The following EML1 variants were observed in gnomAD, a reference collection of about 807,000 sequenced individuals.
EML1 encodes the protein echinoderm microtubule-associated protein-like 1.
A neutral mutation model predicts 110.4 loss-of-function variants in EML1; 27 were observed. That is an observed-to-expected ratio of 0.24 (90% confidence interval 0.18 to 0.34). The LOEUF (loss-of-function observed/expected upper bound fraction) is 0.34. EML1 is among the 10% of genes least tolerant of loss of function. The pLI is 1.00. For synonymous variants in EML1, 344 were observed against 385.8 expected (o/e 0.89, Z 1.27); for missense variants, 741 against 1,030.9 (o/e 0.72, Z 3.85).
At position 99,767,055 on chromosome 14, in the gene EML1, G is replaced by T. The variant is rs573883886; in HGVS notation, c.28+29195G>T. Among the ~76,000 whole-genome samples the T allele has an allele frequency of 2.6e-5, 4 of 152,222 alleles. No homozygotes were observed. In the South Asian group the frequency reaches 8.3e-4, roughly 32 times the overall value. On this transcript the variant is annotated intron_variant, in intron 1 of 10. Coordinates refer to the EML1 transcript ENST00000554479. ...CCCCACCGCATAATATTTTTCCATCGCCATGGTGACTGTGTGAGAAGAAGG... is the reference window on the plus strand; with the variant it reads ...CCCCACCGCATAATATTTTTCCATCTCCATGGTGACTGTGTGAGAAGAAGG...
chr14:99,842,000 A>T (rs563622899), intron 1 of EML1, among the ~76,000 whole-genome samples: 1 of 147,024 alleles, frequency 6.8e-6, no homozygotes, highest in Non-Finnish European at 1.5e-5. Context: ...TCCCTCTAAC[A>T]CTGTAAAGTG....
intron 1 of EML1, among the ~76,000 whole-genome samples, chr14:99,750,115 C>T (rs1380587934): frequency 2.0e-5 from 3 of 152,294 alleles, no homozygotes; most frequent in East Asian, 1.9e-4. Context: ...TGGAGCCAGG[C>T]GGGAGGTAAG....
rs145005091 is a variant in EML1 at position 99,924,274 on chromosome 14, G to A, written c.1909+3397G>A. On this transcript the variant is annotated intron_variant, in intron 17 of 21. Coordinates refer to ENST00000262233, the MANE Select transcript of EML1 (RefSeq NM_004434.3). Reference sequence around the variant, plus strand: ...GTAAAAATAGGATTGAATTTTGCACGTAGATCTTATATCCTATGACCTTTC... The same window carrying A: ...GTAAAAATAGGATTGAATTTTGCACATAGATCTTATATCCTATGACCTTTC... 1.2e-3 allele frequency among the ~76,000 whole-genome samples: 190 copies of A among 152,218 alleles called. 1 individual carries two copies. Among genetic ancestry groups the A allele is most frequent in the African/African-American group, 4.3e-3 (180 of 41,536 alleles).
At chr14:99,786,236 T>A (rs2057598832) in intron 1 of EML1, among the ~76,000 whole-genome samples, 1 of 152,144 alleles carries the variant, frequency 6.6e-6, no homozygotes, top group Admixed American at 6.5e-5. Flanking sequence ...TTGGGTGGAA[T>A]GGACATCTCT....
At chr14:99,879,679 T>C (rs951571850) in intron 4 of EML1, among the ~76,000 whole-genome samples, 1 of 152,222 alleles carries the variant, frequency 6.6e-6, no homozygotes, top group Non-Finnish European at 1.5e-5. Flanking sequence ...ACCATTAACA[T>C]GGGTTCTGTC....
chr14:99,935,524 C>T (rs558210687), intron 17 of EML1, among the ~76,000 whole-genome samples: 1 of 151,994 alleles, frequency 6.6e-6, no homozygotes, highest in South Asian at 2.1e-4. Flanking sequence ...GTGGCTCACA[C>T]CTTAATCCCA....
Position 99,920,893 on chromosome 14 carries a change from A to G in EML1, c.1909+16A>G, listed in dbSNP as rs763477319. The G allele has an allele frequency of 1.9e-6, 3 of 1,576,874 alleles. No individual in the cohort carries two copies. In the Admixed American group the frequency reaches 5.7e-5, roughly 30 times the overall value. ...TACTCACCAGGTTAGACTCCAAACC[A>G]TTCACTACTTTATTTTTTTAATCAA... On this transcript the variant is annotated intron_variant, in intron 17 of 21. Coordinates refer to ENST00000262233, the MANE Select transcript of EML1 (RefSeq NM_004434.3).
At chr14:99,866,523 TTG>T (rs1476381168) in intron 3 of EML1, among the ~76,000 whole-genome samples, 2 of 141,662 alleles carry the variant, frequency 1.4e-5, no homozygotes, top group African/African-American at 5.6e-5. Context: ...TGAGTCAAGA[TTG>T]CACCATTGCA....
chr14:99,853,966 T>C (rs2058857588), intron 2 of EML1, among the ~76,000 whole-genome samples: 1 of 152,224 alleles, frequency 6.6e-6, no homozygotes, highest in Non-Finnish European at 1.5e-5. Context: ...CCACCGCATC[T>C]GACCTGCATT....
chr14:99,811,091 C>T (rs1452215814), intron 1 of EML1, among the ~76,000 whole-genome samples: 5 of 148,744 alleles, frequency 3.4e-5, no homozygotes, highest in Admixed American at 6.7e-5. Flanking sequence ...ACCTCATACA[C>T]GGTTGACCCT....
chr14:99,845,753 A>C (rs2058697119), intron 1 of EML1, among the ~76,000 whole-genome samples: 1 of 152,232 alleles, frequency 6.6e-6, no homozygotes, highest in Non-Finnish European at 1.5e-5. Flanking sequence ...TGTTACTTAG[A>C]AAATTGACAG....
At chr14:99,814,411 C>A (rs188709260) in intron 1 of EML1, among the ~76,000 whole-genome samples, 2 of 152,044 alleles carry the variant, frequency 1.3e-5, no homozygotes, top group African/African-American at 4.8e-5. Context: ...ACAAATGTGC[C>A]CCACCAAGTC....
chr14:99,741,494 G>A (rs2057041616), intron 1 of EML1, among the ~76,000 whole-genome samples: 1 of 152,038 alleles, frequency 6.6e-6, no homozygotes, highest in Admixed American at 6.6e-5. Context: ...GGCTCTCCAA[G>A]TACCTCTCTC....
chr14:99,927,866 A>G (rs868772940), intron 17 of EML1, among the ~76,000 whole-genome samples: 17 of 2,794 alleles, frequency 6.1e-3, no homozygotes, highest in African/African-American at 0.021. Flanking sequence ...TGGTAGTGGT[A>G]GTAGTGGTGG....
intron 1 of EML1, among the ~76,000 whole-genome samples, chr14:99,848,852 C>A (rs1170789989): frequency 6.6e-6 from 1 of 151,690 alleles, no homozygotes; most frequent in Non-Finnish European, 1.5e-5. Flanking sequence ...AGTCCCAGAT[C>A]CTCAGAAGGC....
At chr14:99,834,595 G>A (rs943551903) in intron 1 of EML1, among the ~76,000 whole-genome samples, 5 of 151,600 alleles carry the variant, frequency 3.3e-5, no homozygotes, top group African/African-American at 9.7e-5. Context: ...TACTGTGCCC[G>A]GCCTGCATTT....
In EML1 at chr14:99,844,097, A is replaced by G. The variant is rs149484972; in HGVS notation, c.68-6756A>G. Among the ~76,000 whole-genome samples the G allele has an allele frequency of 1.0e-3, 157 of 152,288 alleles. 2 individuals carry two copies. In the East Asian group the frequency reaches 0.028, roughly 27 times the overall value. On this transcript the variant is annotated intron_variant, in intron 1 of 21. Transcript: ENST00000262233. Reference sequence around the variant, plus strand: ...AAGGACAGTCTCTTTCCCTTGAGCAATAAGTACTTAGTTTTCATTGAAATA... The same window carrying G: ...AAGGACAGTCTCTTTCCCTTGAGCAGTAAGTACTTAGTTTTCATTGAAATA...
At chr14:99,897,050 G>A (rs1310708339) in intron 6 of EML1, 95 bp from the exon 7 acceptor site, 8 of 1,160,372 alleles carry the variant, frequency 6.9e-6, no homozygotes, top group Middle Eastern at 2.1e-4. Flanking sequence ...GATGGTAATA[G>A]TTATATGGTA....
At chr14:99,843,663 A>G (rs1566893784) in intron 1 of EML1, among the ~76,000 whole-genome samples, 1 of 152,224 alleles carries the variant, frequency 6.6e-6, no homozygotes, top group South Asian at 2.1e-4. Context: ...GCTTGACTCC[A>G]TAGTCCGTGC....
Sources: gnomAD v4.1 joint callset for allele counts (sites outside exome capture counted in the v4.1 genomes callset) on GRCh38, gnomAD v4.1.1 for gene constraint, MANE v1.5 for transcripts, NCBI Gene and HGNC (gene_info 2026-07-23, HGNC 2026-07-21) for gene names.